CSMD3: variants seen among roughly 807,000 people sequenced by gnomAD.
The protein encoded by CSMD3 is CUB and Sushi multiple domains 3.
Under a neutral mutation model 435.2 loss-of-function variants are expected in CSMD3, and 177 were observed. The ratio of observed to expected loss-of-function variants is 0.41; its 90% CI spans 0.36 to 0.46. The LOEUF (loss-of-function observed/expected upper bound fraction) is 0.46. Ranked by LOEUF, CSMD3 falls within the 20% of genes least tolerant of loss-of-function variation. The pLI is 0.34. For missense variants in CSMD3, 4,265 were observed against 4,504.6 expected (o/e 0.95, Z 1.52); for synonymous variants, 1,656 against 1,520.5 (o/e 1.09, Z -2.07).
intron 22 of CSMD3, among the ~76,000 whole-genome samples, chr8:112,589,644 G>A (rs1831012423): frequency 6.6e-6 from 1 of 152,116 alleles, no homozygotes; most frequent in Non-Finnish European, 1.5e-5. Flanking sequence ...GAGAAGATAA[G>A]TGTTGGCAAA....
At chr8:112,698,615 A>G (rs987540409) in intron 13 of CSMD3, among the ~76,000 whole-genome samples, 1 of 152,164 alleles carries the variant, frequency 6.6e-6, no homozygotes, top group African/African-American at 2.4e-5. Context: ...TATCAAAAGG[A>G]CATAGAGGCC....
chr8:113,318,085 G>C (rs1013789574), intron 1 of CSMD3, among the ~76,000 whole-genome samples: 1 of 152,006 alleles, frequency 6.6e-6, no homozygotes, highest in African/African-American at 2.4e-5. Context: ...TGTGTACAAA[G>C]GGCATATATC....
intron 3 of CSMD3, among the ~76,000 whole-genome samples, chr8:113,249,006 G>T (rs1014640701): frequency 2.0e-5 from 3 of 151,972 alleles, no homozygotes; most frequent in African/African-American, 7.2e-5. Context: ...TAATCCCCAC[G>T]TGTCAAGGGT....
In CSMD3 at chr8:112,352,407, T is replaced by C. The variant is rs371828132; in HGVS notation, c.6255+9A>G. ...GAAAATCAAAACCACAACTTTAAAATAGACTTACCTGAAGAGAATATCCTT... is the reference window on the plus strand; with the variant it reads ...GAAAATCAAAACCACAACTTTAAAACAGACTTACCTGAAGAGAATATCCTT... On this transcript the variant is annotated intron_variant, in intron 39 of 70. Transcript: ENST00000297405. 3.1e-6 allele frequency: 5 copies of C among 1,613,134 alleles called. No individual in the cohort carries two copies. Among genetic ancestry groups the C allele is most frequent in the East Asian group, 2.2e-5 (1 of 44,732 alleles).
At chr8:113,162,112 A>T (rs1220971971) in intron 4 of CSMD3, among the ~76,000 whole-genome samples, 1 of 152,172 alleles carries the variant, frequency 6.6e-6, no homozygotes, top group Non-Finnish European at 1.5e-5. Context: ...ACACTGGCTC[A>T]AGAGTGTAGG....
chr8:112,757,383 G>C (rs2077724451), intron 13 of CSMD3, among the ~76,000 whole-genome samples: 1 of 151,852 alleles, frequency 6.6e-6, no homozygotes, highest in African/African-American at 2.4e-5. Context: ...TATATATTTA[G>C]ATGTATATAT....
chr8:112,793,751 A>T (rs1386025703), intron 13 of CSMD3, among the ~76,000 whole-genome samples: 1 of 152,178 alleles, frequency 6.6e-6, no homozygotes, highest in East Asian at 1.9e-4. Context: ...CGTGGTTTGA[A>T]TAGTTGGCTG....
At chr8:113,173,274 T>C (rs538891026) in intron 4 of CSMD3, among the ~76,000 whole-genome samples, 10 of 152,296 alleles carry the variant, frequency 6.6e-5, no homozygotes, top group African/African-American at 2.2e-4. Flanking sequence ...TTTAGTATTT[T>C]TCTCTCCTTT....
At chr8:112,654,894 G>A (rs2075218587) in intron 18 of CSMD3, among the ~76,000 whole-genome samples, 1 of 152,170 alleles carries the variant, frequency 6.6e-6, no homozygotes, top group Non-Finnish European at 1.5e-5. Context: ...TAGTTTTGAA[G>A]TAGATTTTTC....
At chr8:112,726,021 G>A (rs927797925) in intron 13 of CSMD3, among the ~76,000 whole-genome samples, 2 of 151,922 alleles carry the variant, frequency 1.3e-5, no homozygotes, top group Non-Finnish European at 2.9e-5. Context: ...ATGGCGGAAG[G>A]CAAAAGGGAA....
intron 3 of CSMD3, among the ~76,000 whole-genome samples, chr8:113,245,686 T>G (rs1047629357): frequency 6.6e-6 from 1 of 152,072 alleles, no homozygotes; most frequent in African/African-American, 2.4e-5. Flanking sequence ...TTATTTATAC[T>G]GTATTTTACA....
At chr8:113,098,722 A>T (rs2131545472) in intron 5 of CSMD3, 34 bp downstream of exon 5, 1 of 1,403,222 alleles carries the variant, frequency 7.1e-7, no homozygotes, top group Non-Finnish European at 1.0e-6. Flanking sequence ...CTTCAACAAC[A>T]TCAATGCAAG....
intron 50 of CSMD3, among the ~76,000 whole-genome samples, chr8:112,306,701 A>G (rs955466152): frequency 6.6e-6 from 1 of 152,174 alleles, no homozygotes; most frequent in Non-Finnish European, 1.5e-5. Context: ...AGAAGCCACA[A>G]TGTATGAGCT....
intron 35 of CSMD3, among the ~76,000 whole-genome samples, chr8:112,392,204 T>C (rs1165468329): frequency 6.7e-6 from 1 of 150,264 alleles, no homozygotes. Flanking sequence ...AGTATGGCTA[T>C]AAATGATGAG....
Position 112,287,046 on chromosome 8 carries a change from A to G in CSMD3, c.9331+18T>C, listed in dbSNP as rs10505181. On this transcript the variant is annotated intron_variant, in intron 58 of 70. Transcript: ENST00000297405. ...AAATCCAGTAGTTGCAATATATTTA[A>G]TTTCTGCTTGAGATTACCTTTGCAC... is the stretch of plus-strand genomic sequence containing the variant. The G allele has an allele frequency of 0.22, 358,143 of 1,601,774 alleles. 42,588 individuals carry two copies. The highest frequency in any genetic ancestry group is 0.29 in the Middle Eastern group (1,727 of 6,032).
intron 10 of CSMD3, among the ~76,000 whole-genome samples, chr8:112,876,999 C>G (rs2081301876): frequency 6.6e-6 from 1 of 152,010 alleles, no homozygotes; most frequent in Non-Finnish European, 1.5e-5. Flanking sequence ...AAGTGAACTC[C>G]CATTCACAAT....
chr8:112,425,985 A>T (rs1813029378), intron 32 of CSMD3, among the ~76,000 whole-genome samples: 1 of 152,184 alleles, frequency 6.6e-6, no homozygotes, highest in African/African-American at 2.4e-5. Flanking sequence ...AAAAAATACA[A>T]GTGGTTACAT....
chr8:112,719,906 C>T (rs996805517), intron 13 of CSMD3, among the ~76,000 whole-genome samples: 1 of 152,124 alleles, frequency 6.6e-6, no homozygotes, highest in Non-Finnish European at 1.5e-5. Context: ...TTCTTAAACA[C>T]CCTTGCAACT....
intron 63 of CSMD3, among the ~76,000 whole-genome samples, chr8:112,247,680 C>G (rs1465516582): frequency 1.3e-5 from 2 of 152,048 alleles, no homozygotes; most frequent in African/African-American, 4.8e-5. Context: ...AGGAGAATAT[C>G]TAGGACAATG....
Sources: gnomAD v4.1 joint callset for allele counts (sites outside exome capture counted in the v4.1 genomes callset) on GRCh38, gnomAD v4.1.1 for gene constraint, MANE v1.5 for transcripts, NCBI Gene and HGNC (gene_info 2026-07-23, HGNC 2026-07-21) for gene names.